Variants in MAST4 observed in about 807,000 individuals in gnomAD.
MAST4 encodes microtubule-associated serine/threonine-protein kinase 4.
MAST4 carries 89 observed loss-of-function variants against 162.7 expected under a neutral mutation model. That is an observed-to-expected ratio of 0.55 (90% CI 0.46 to 0.65). The LOEUF (loss-of-function observed/expected upper bound fraction) is 0.65. Among genes scored for constraint, MAST4 ranks in the 30% least tolerant of loss-of-function variants. The pLI, the probability that MAST4 is intolerant of heterozygous loss-of-function variation, is 0.00. For synonymous variants in MAST4, 1,479 were observed against 1,361.1 expected (o/e 1.09, Z -1.91); for missense variants, 3,153 against 3,374.0 (o/e 0.93, Z 1.62).
rs115573386 is a variant in MAST4, at chr5:66,664,454, A to G, written c.363+67436A>G. Among the ~76,000 whole-genome samples the G allele has an allele frequency of 5.7e-3, 834 of 146,508 alleles. 4 individuals carry two copies. Among genetic ancestry groups the G allele is most frequent in the African/African-American group, 0.02 (790 of 39,736 alleles). Reference sequence around the variant, plus strand: ...CCATTTCAAAAAAAAAAAAAAAAAGAAAATAGAAAATCAGGAGTTTAGTTT... The same window carrying G: ...CCATTTCAAAAAAAAAAAAAAAAAGGAAATAGAAAATCAGGAGTTTAGTTT... On this transcript the variant is annotated intron_variant, in intron 1 of 28. Transcript: ENST00000403625.
chr5:66,741,925 C>G (rs1231475755), intron 1 of MAST4, among the ~76,000 whole-genome samples: 2 of 152,008 alleles, frequency 1.3e-5, no homozygotes, highest in Non-Finnish European at 2.9e-5. Flanking sequence ...GCTTAAAATC[C>G]CTGTATAAGG....
chr5:66,884,562 G>A (rs1406627153), intron 3 of MAST4, among the ~76,000 whole-genome samples: 1 of 152,178 alleles, frequency 6.6e-6, no homozygotes, highest in African/African-American at 2.4e-5. Flanking sequence ...CTCTAACCCA[G>A]AAGCCTGTTT....
At chr5:66,701,709 C>G (rs993097620) in intron 1 of MAST4, among the ~76,000 whole-genome samples, 5 of 152,172 alleles carry the variant, frequency 3.3e-5, no homozygotes, top group African/African-American at 1.2e-4. Context: ...AGGTCAGGTC[C>G]TGATGCTGGA....
chr5:67,041,269 T>TTCTAA (rs1756704452), intron 4 of MAST4, among the ~76,000 whole-genome samples: 1 of 152,138 alleles, frequency 6.6e-6, no homozygotes, highest in African/African-American at 2.4e-5. Context: ...TTGGCCAGTG[T>TTCTAA]TTGAGTGGAT....
intron 4 of MAST4, among the ~76,000 whole-genome samples, chr5:66,957,492 A>G (rs1745461054): frequency 6.6e-6 from 1 of 151,632 alleles, no homozygotes; most frequent in Admixed American, 6.6e-5. Flanking sequence ...GCTTTTTTCT[A>G]CTAAATTACA....
chr5:67,149,459 C>G lies in MAST4; in HGVS notation c.3165C>G (p.Ser1055=). 6.2e-7 allele frequency: 1 copy of G among 1,613,690 alleles called. No individual in the cohort carries two copies. Among genetic ancestry groups the G allele is most frequent in the Non-Finnish European group, 8.5e-7 (1 of 1,179,786 alleles). ...AGTGTGTGGACAGTACAGATAATTC[C>G]TCAAAGCCATCCAGTGAACCCGCTT... ...RSECVDSTDN[S]SKPSSEPASH... Residue 1055 remains serine, a synonymous_variant, in exon 24 of 29, where the codon TCC becomes TCG. Transcript: ENST00000403625.
chr5:66,987,055 G>T (rs963987467), intron 4 of MAST4, among the ~76,000 whole-genome samples: 1 of 152,014 alleles, frequency 6.6e-6, no homozygotes, highest in Non-Finnish European at 1.5e-5. Flanking sequence ...CTTCCTCAAT[G>T]CTTGTATATT....
At chr5:66,750,667 T>G (rs1753088439) in intron 1 of MAST4, among the ~76,000 whole-genome samples, 1 of 152,214 alleles carries the variant, frequency 6.6e-6, no homozygotes, top group South Asian at 2.1e-4. Context: ...TCTCCCTGAT[T>G]GCTAGCACAG....
intron 1 of MAST4, among the ~76,000 whole-genome samples, chr5:66,621,375 A>G (rs1203111902): frequency 6.6e-6 from 1 of 152,210 alleles, no homozygotes; most frequent in East Asian, 1.9e-4. Context: ...TATGAGTAGC[A>G]GTGAGAAAAT....
At chr5:67,030,213 G>A (rs1235084458) in intron 4 of MAST4, among the ~76,000 whole-genome samples, 1 of 152,044 alleles carries the variant, frequency 6.6e-6, no homozygotes, top group Admixed American at 6.6e-5. Flanking sequence ...TCATTTCTCA[G>A]GGCAATACAA....
chr5:66,606,124 C>A (rs1032203087), intron 1 of MAST4, among the ~76,000 whole-genome samples: 4 of 152,042 alleles, frequency 2.6e-5, no homozygotes, highest in Non-Finnish European at 5.9e-5. Context: ...TTTTCTTCTT[C>A]TCTATCTATA....
chr5:66,838,838 T>C (rs192165596), intron 3 of MAST4, among the ~76,000 whole-genome samples: 1 of 152,086 alleles, frequency 6.6e-6, no homozygotes, highest in East Asian at 1.9e-4. Flanking sequence ...TTTAGCAGAG[T>C]CTCAAGAATG....
chr5:67,165,584 G>T lies in MAST4; in HGVS notation c.6405G>T (p.Pro2135=). ...PLQRHPSSIP[P]PPLTAKDLSS... ...AAAGGCATCCCAGCAGCATCCCTCC[G>T]CCCCCTCTGACGGCCAAAGACCTGT... Residue 2135 remains proline, a synonymous_variant, in exon 29 of 29, where the codon CCG becomes CCT. Coordinates refer to ENST00000403625, the MANE Select transcript of MAST4 (RefSeq NM_001164664.2). The T allele has an allele frequency of 6.2e-7, 1 of 1,613,790 alleles. No homozygotes were observed. The highest frequency in any genetic ancestry group is 8.5e-7 in the Non-Finnish European group (1 of 1,179,806).
chr5:66,906,583 C>T (rs1278628384), intron 4 of MAST4, among the ~76,000 whole-genome samples: 1 of 152,136 alleles, frequency 6.6e-6, no homozygotes, highest in Non-Finnish European at 1.5e-5. Flanking sequence ...ATTAGAAATT[C>T]ATTCTGCTGG....
chr5:66,809,558 G>T (rs1311559514), intron 3 of MAST4, among the ~76,000 whole-genome samples: 2 of 152,112 alleles, frequency 1.3e-5, no homozygotes, highest in Non-Finnish European at 2.9e-5. Flanking sequence ...AGCCCACAGG[G>T]TTGTTATTCC....
intron 4 of MAST4, among the ~76,000 whole-genome samples, chr5:66,973,720 A>G (rs1229216107): frequency 6.6e-6 from 1 of 152,126 alleles, no homozygotes; most frequent in Non-Finnish European, 1.5e-5. Flanking sequence ...GCTGTTTGTC[A>G]CAGTTGTTTA....
At chr5:67,127,917 TG>T (rs1768459215) in intron 14 of MAST4, among the ~76,000 whole-genome samples, 1 of 152,218 alleles carries the variant, frequency 6.6e-6, no homozygotes, top group Non-Finnish European at 1.5e-5. Context: ...CCTAGTCTTT[TG>T]TTGGAAGTCC....
intron 1 of MAST4, among the ~76,000 whole-genome samples, chr5:66,719,545 C>A (rs1751066156): frequency 6.6e-6 from 1 of 151,962 alleles, no homozygotes; most frequent in East Asian, 1.9e-4. Context: ...TTTTCTTTTT[C>A]TTTTTTTCAA....
At chr5:66,894,184 G>A (rs1468011689) in intron 3 of MAST4, among the ~76,000 whole-genome samples, 2 of 152,188 alleles carry the variant, frequency 1.3e-5, no homozygotes, top group East Asian at 3.8e-4. Flanking sequence ...AATGGTTTAT[G>A]CAAACCAATA....
Sources: gnomAD v4.1 joint callset for allele counts (sites outside exome capture counted in the v4.1 genomes callset) on GRCh38, gnomAD v4.1.1 for gene constraint, MANE v1.5 for transcripts, NCBI Gene and HGNC (gene_info 2026-07-23, HGNC 2026-07-21) for gene names.